Variants in OXR1 observed in about 807,000 individuals in gnomAD.
OXR1 encodes the protein oxidation resistance protein 1.
OXR1 carries 41 observed loss-of-function variants against 104.6 expected under a neutral mutation model. The observed-to-expected ratio is 0.39, with a 90% CI of 0.31 to 0.51. The LOEUF is 0.51. OXR1 is among the 20% of genes least tolerant of loss of function. OXR1 has a pLI of 0.77. For synonymous variants in OXR1, 348 were observed against 348.4 expected, an observed-to-expected ratio of 1.00 and a Z score of 0.01; for missense variants, 955 against 1,031.9, an observed-to-expected ratio of 0.93 and a Z score of 1.02.
intron 2 of OXR1, among the ~76,000 whole-genome samples, chr8:106,420,238 A>C (rs760370356): frequency 2.0e-5 from 3 of 152,058 alleles, no homozygotes; most frequent in African/African-American, 4.8e-5. Context: ...TGGAGGTCAT[A>C]TATCTTTATT....
chr8:106,301,086 T>A (rs1451642501), intron 1 of OXR1, among the ~76,000 whole-genome samples: 1 of 152,212 alleles, frequency 6.6e-6, no homozygotes, highest in East Asian at 1.9e-4. Flanking sequence ...AAGATGCGGC[T>A]ATAAACCAGC....
In OXR1 at chr8:106,751,467, T is replaced by C. The variant is rs1835885407; in HGVS notation, c.*526T>C. The C allele has an allele frequency of 6.6e-6, 1 of 152,644 alleles. No individual in the cohort carries two copies. Among genetic ancestry groups the C allele is most frequent in the South Asian group, 2.1e-4 (1 of 4,830 alleles). 9.5% of individuals were successfully genotyped at this position (152,644 alleles called of 1,614,324 possible). On this transcript the variant is annotated 3_prime_UTR_variant, in exon 17 of 17. Transcript: ENST00000517566. ...ACATACTTCATAGACCACTGAGTTC[T>C]AGTTTTTATTCACACTACAACATTC...
intron 3 of OXR1, among the ~76,000 whole-genome samples, chr8:106,670,611 C>G (rs955539441): frequency 6.6e-6 from 1 of 152,084 alleles, no homozygotes; most frequent in Non-Finnish European, 1.5e-5. Context: ...AATACAACCC[C>G]TCTAATTAGG....
At chr8:106,532,427 G>A (rs1397735434) in intron 3 of OXR1, among the ~76,000 whole-genome samples, 2 of 152,152 alleles carry the variant, frequency 1.3e-5, no homozygotes. Flanking sequence ...AATCTCTCTG[G>A]ACTTCTGATT....
intron 2 of OXR1, among the ~76,000 whole-genome samples, chr8:106,478,976 T>A (rs1213665305): frequency 6.6e-6 from 1 of 151,880 alleles, no homozygotes; most frequent in Non-Finnish European, 1.5e-5. Flanking sequence ...CCAATTCTCT[T>A]CCAGTCCCAT....
intron 7 of OXR1, among the ~76,000 whole-genome samples, chr8:106,695,391 G>A (rs998148225): frequency 1.3e-5 from 2 of 149,366 alleles, no homozygotes; most frequent in African/African-American, 4.9e-5. Flanking sequence ...TTTATTAAAT[G>A]TTACTATCAT....
intron 1 of OXR1, among the ~76,000 whole-genome samples, chr8:106,317,806 A>AT (rs1554622293): frequency 1.3e-5 from 2 of 151,824 alleles, no homozygotes; most frequent in Non-Finnish European, 2.9e-5. Context: ...AAAAAAAAAA[A>AT]CAAAAAGGAG....
intron 3 of OXR1, among the ~76,000 whole-genome samples, chr8:106,637,555 G>C (rs533620893): frequency 6.6e-6 from 1 of 152,144 alleles, no homozygotes; most frequent in Non-Finnish European, 1.5e-5. Flanking sequence ...TGAAAGTATA[G>C]ACGGTACATT....
At chr8:106,597,299 G>A (rs915275985) in intron 3 of OXR1, among the ~76,000 whole-genome samples, 11 of 152,080 alleles carry the variant, frequency 7.2e-5, no homozygotes, top group African/African-American at 1.7e-4. Context: ...GAGAGACCCC[G>A]TCACTCCTGT....
chr8:106,448,263 A>G (rs1250511666), intron 2 of OXR1, among the ~76,000 whole-genome samples: 4 of 152,204 alleles, frequency 2.6e-5, no homozygotes, highest in Non-Finnish European at 4.4e-5. Flanking sequence ...ATAGGTACTA[A>G]AGAAAGGGAA....
intron 3 of OXR1, among the ~76,000 whole-genome samples, chr8:106,600,964 T>C (rs1162736819): frequency 6.6e-6 from 1 of 152,134 alleles, no homozygotes; most frequent in African/African-American, 2.4e-5. Flanking sequence ...ACATGGTAAT[T>C]AAATGTTCTA....
chr8:106,742,124 T>G, intron 14 of OXR1, 98 bp from the exon 15 acceptor site: 1 of 724,398 alleles, frequency 1.4e-6, no homozygotes, highest in South Asian at 1.7e-5. Flanking sequence ...ATACCAGATT[T>G]CTATTTTTTG....
At chr8:106,575,188 G>C (rs1306604699) in intron 3 of OXR1, among the ~76,000 whole-genome samples, 1 of 152,114 alleles carries the variant, frequency 6.6e-6, no homozygotes, top group South Asian at 2.1e-4. Flanking sequence ...TATTAATAAT[G>C]CTACTATCAT....
chr8:106,637,990 C>A (rs1823295072), intron 3 of OXR1, among the ~76,000 whole-genome samples: 1 of 152,004 alleles, frequency 6.6e-6, no homozygotes, highest in Admixed American at 6.6e-5. Context: ...TGGTCTTGAT[C>A]TCCTGACCTC....
intron 1 of OXR1, among the ~76,000 whole-genome samples, chr8:106,275,788 AACAC>A (rs374957851): frequency 2.0e-5 from 3 of 151,230 alleles, no homozygotes; most frequent in South Asian, 2.1e-4. Flanking sequence ...AGCAACAACA[AACAC>A]ACACACACAC....
intron 8 of OXR1, among the ~76,000 whole-genome samples, chr8:106,706,157 A>T (rs145577241): frequency 9.7e-4 from 148 of 152,262 alleles, no homozygotes; most frequent in South Asian, 3.1e-3. Flanking sequence ...TAAGCAATTG[A>T]TATAAAAGTT....
At chr8:106,746,851 T>C (rs1835438722) in intron 16 of OXR1, among the ~76,000 whole-genome samples, 1 of 152,098 alleles carries the variant, frequency 6.6e-6, no homozygotes, top group African/African-American at 2.4e-5. Context: ...TTCTGTTAGC[T>C]CTCCAACAGG....
At position 106,672,683 on chromosome 8, in the gene OXR1, A is replaced by G. The variant is rs112382604; in HGVS notation, c.221-6527A>G. ...AATCTCATCTTGGATTATAATCCCG[A>G]TAATCCCCACATATCAAGGGAGAAA... On this transcript the variant is annotated intron_variant, in intron 3 of 16. Coordinates refer to ENST00000517566, the MANE Select transcript of OXR1 (RefSeq NM_001198533.2). Among the ~76,000 whole-genome samples the G allele has an allele frequency of 5.9e-3, 892 of 152,282 alleles. 5 individuals carry two copies. Among genetic ancestry groups the G allele is most frequent in the Non-Finnish European group, 9.9e-3 (674 of 68,020 alleles).
chr8:106,636,399 A>G (rs1001281504), intron 3 of OXR1, among the ~76,000 whole-genome samples: 8 of 152,118 alleles, frequency 5.3e-5, no homozygotes, highest in African/African-American at 1.9e-4. Context: ...CAACTTATTA[A>G]GTGGCAGTAT....
Sources: allele counts gnomAD v4.1 joint callset (sites outside exome capture counted in the v4.1 genomes callset), GRCh38; gene constraint gnomAD v4.1.1; transcripts MANE v1.5; gene names NCBI Gene and HGNC (gene_info 2026-07-23, HGNC 2026-07-21).